GCSAML: variants seen among roughly 807,000 people sequenced by gnomAD.
The protein encoded by GCSAML is germinal center-associated signaling and motility-like protein.
In GCSAML, 9 loss-of-function variants were observed where a neutral mutation model predicts 13.0. That is an observed-to-expected ratio of 0.69 (90% CI 0.42 to 1.21). GCSAML has a LOEUF of 1.21. Ranked by LOEUF, GCSAML falls within the 50% of genes most tolerant of loss-of-function variation. The pLI, the probability that GCSAML is intolerant of heterozygous loss-of-function variation, is 0.00. For synonymous variants in GCSAML, 37 were observed against 52.9 expected, an observed-to-expected ratio of 0.70 and a Z score of 1.31; for missense variants, 143 against 153.4, an observed-to-expected ratio of 0.93 and a Z score of 0.36.
At chr1:247,550,510 A>C (rs139544709) in intron 1 of GCSAML, among the ~76,000 whole-genome samples, 1 of 152,032 alleles carries the variant, frequency 6.6e-6, no homozygotes, top group African/African-American at 2.4e-5. Context: ...GGTGGTGGGC[A>C]CCTGTAATCC....
intron 1 of GCSAML, among the ~76,000 whole-genome samples, chr1:247,508,345 C>G (rs1665898955): frequency 6.6e-6 from 1 of 152,046 alleles, no homozygotes. Flanking sequence ...TATCCTTTGC[C>G]TACTTTTTGA....
intron 1 of GCSAML, among the ~76,000 whole-genome samples, chr1:247,521,433 G>C (rs954792303): frequency 6.6e-6 from 1 of 150,716 alleles, no homozygotes; most frequent in Admixed American, 6.6e-5. Context: ...GATGCCGAGC[G>C]GAAGCTGGAC....
chr1:247,546,433 A>C (rs763886138), upstream of GCSAML, among the ~76,000 whole-genome samples: 4 of 152,056 alleles, frequency 2.6e-5, no homozygotes, highest in Non-Finnish European at 5.9e-5. Context: ...ATCTCGGCTC[A>C]CTGCAAACTC....
chr1:247,540,162 C>G (rs1667362726), intron 2 of GCSAML, among the ~76,000 whole-genome samples: 1 of 152,156 alleles, frequency 6.6e-6, no homozygotes, highest in African/African-American at 2.4e-5. Context: ...ACCTCTGCCT[C>G]CCGGGATTAC....
At chr1:247,566,553 A>AT (rs1199286903) in intron 4 of GCSAML, among the ~76,000 whole-genome samples, 2 of 152,072 alleles carry the variant, frequency 1.3e-5, no homozygotes, top group African/African-American at 4.8e-5. Flanking sequence ...TATTATTTTA[A>AT]TTTTCAAAGC....
intron 3 of GCSAML, 36 bp downstream of exon 3, chr1:247,563,675 G>A (rs773882797): frequency 9.5e-6 from 12 of 1,266,220 alleles, no homozygotes; most frequent in Non-Finnish European, 1.3e-5. Context: ...TCATAGTAGG[G>A]AAGTGCAAAT....
chr1:247,568,972 G>A (rs1157070241), intron 4 of GCSAML, among the ~76,000 whole-genome samples: 2 of 143,776 alleles, frequency 1.4e-5, no homozygotes, highest in African/African-American at 5.0e-5. Context: ...ATTTGCAATT[G>A]TGAATGGGAG....
intron 1 of GCSAML, among the ~76,000 whole-genome samples, chr1:247,513,074 A>G (rs559989657): frequency 6.6e-6 from 1 of 152,314 alleles, no homozygotes; most frequent in East Asian, 1.9e-4. Flanking sequence ...TGGAGCTGGC[A>G]GGCAGAAATG....
intron 2 of GCSAML, among the ~76,000 whole-genome samples, chr1:247,539,916 C>G (rs1021244224): frequency 6.6e-5 from 10 of 152,176 alleles, no homozygotes; most frequent in Non-Finnish European, 1.0e-4. Flanking sequence ...GCGCCTTCCC[C>G]CTCCACACAC....
chr1:247,552,705 T>G (rs962111483), intron 1 of GCSAML, among the ~76,000 whole-genome samples: 4 of 152,232 alleles, frequency 2.6e-5, no homozygotes, highest in African/African-American at 9.6e-5. Flanking sequence ...CAGACAACAT[T>G]GTGAATATAG....
intron 2 of GCSAML, among the ~76,000 whole-genome samples, chr1:247,537,110 CGA>C (rs1175487205): frequency 6.6e-6 from 1 of 152,168 alleles, no homozygotes; most frequent in Non-Finnish European, 1.5e-5. Flanking sequence ...CTGTAGCCAT[CGA>C]GCAGTCAGTC....
chr1:247,555,095 A>G (rs1056457216), intron 1 of GCSAML, among the ~76,000 whole-genome samples: 1 of 152,134 alleles, frequency 6.6e-6, no homozygotes, highest in African/African-American at 2.4e-5. Context: ...GTATCCAGTT[A>G]TATTCAGTAA....
At chr1:247,510,678 C>T (rs983149433) in intron 1 of GCSAML, among the ~76,000 whole-genome samples, 6 of 152,078 alleles carry the variant, frequency 3.9e-5, no homozygotes, top group African/African-American at 1.4e-4. Context: ...TAGTTGTGTC[C>T]CAGAGATTCT....
Position 247,535,203 on chromosome 1 carries a change from T to C in GCSAML, c.-148+8149T>C, listed in dbSNP as rs114633056. Among the ~76,000 whole-genome samples the C allele has an allele frequency of 9.9e-4, 151 of 152,212 alleles. 3 individuals carry two copies. The highest frequency in any genetic ancestry group is 3.4e-3 in the Middle Eastern group (1 of 294). ...GGCTGTGTGTGCCTGTAGTCTCAGCTACTTGGGAAGCTGAGGCTAGAGGAT... is the reference window on the plus strand; with the variant it reads ...GGCTGTGTGTGCCTGTAGTCTCAGCCACTTGGGAAGCTGAGGCTAGAGGAT... On this transcript the variant is annotated intron_variant, in intron 2 of 5. Transcript: ENST00000366489.
At chr1:247,573,794 T>C (rs934159045) in intron 4 of GCSAML, among the ~76,000 whole-genome samples, 1 of 152,232 alleles carries the variant, frequency 6.6e-6, no homozygotes, top group Admixed American at 6.5e-5. Flanking sequence ...TTTCCATTTT[T>C]ATGATATTGC....
rs529677408 is a variant in GCSAML, at chr1:247,509,499, C to T, written c.-263+2266C>T. 1.3e-4 allele frequency among the ~76,000 whole-genome samples: 20 copies of T among 152,316 alleles called. 1 individual carries two copies. The East Asian group carries it at 3.7e-3, about 28-fold the overall frequency. Reference sequence around the variant, plus strand: ...CTTCCTATATGAATAGGCTTTCTTTCTCTTGCCTGATTATCCTGGCCAGAA... The same window carrying T: ...CTTCCTATATGAATAGGCTTTCTTTTTCTTGCCTGATTATCCTGGCCAGAA... On this transcript the variant is annotated intron_variant, in intron 1 of 5. Coordinates refer to the GCSAML transcript ENST00000366489.
chr1:247,544,923 C>A (rs1408116722), upstream of GCSAML, among the ~76,000 whole-genome samples: 1 of 152,062 alleles, frequency 6.6e-6, no homozygotes, highest in Non-Finnish European at 1.5e-5. Flanking sequence ...AACAAATAAC[C>A]AAGCAATCTT....
At chr1:247,523,772 A>G (rs775352226) in intron 1 of GCSAML, among the ~76,000 whole-genome samples, 49 of 152,328 alleles carry the variant, frequency 3.2e-4, no homozygotes, top group Middle Eastern at 3.4e-3. Flanking sequence ...CTACTAGATG[A>G]CAAAATATAC....
chr1:247,547,461 T>C (rs1667621923), upstream of GCSAML, among the ~76,000 whole-genome samples: 2 of 152,234 alleles, frequency 1.3e-5, no homozygotes, highest in African/African-American at 4.8e-5. Context: ...CACATTTCTG[T>C]CATTCGGTGA....
Sources: gnomAD v4.1 joint callset for allele counts (sites outside exome capture counted in the v4.1 genomes callset) on GRCh38, gnomAD v4.1.1 for gene constraint, MANE v1.5 for transcripts, NCBI Gene and HGNC (gene_info 2026-07-23, HGNC 2026-07-21) for gene names.